Variants in KIDINS220 observed in about 807,000 individuals in gnomAD.
KIDINS220 encodes the protein kinase D-interacting substrate of 220 kDa.
KIDINS220 carries 63 observed loss-of-function variants against 157.6 expected under a neutral mutation model. The observed-to-expected ratio is 0.40, with a 90% CI of 0.33 to 0.49. The LOEUF (loss-of-function observed/expected upper bound fraction) is 0.49, where lower values mean the gene tolerates loss of function less well. KIDINS220 is among the 20% of genes least tolerant of loss of function. The pLI, the probability that KIDINS220 is intolerant of heterozygous loss-of-function variation, is 0.66. For missense variants in KIDINS220, 1,772 were observed against 2,171.2 expected (o/e 0.82, Z 3.65); for synonymous variants, 732 against 783.6 (o/e 0.93, Z 1.10).
In KIDINS220 at chr2:8,730,587, T is replaced by C; in HGVS notation, c.*133A>G. 6.9e-7 allele frequency: 1 copy of C among 1,441,048 alleles called. No individual in the cohort carries two copies. The highest frequency in any genetic ancestry group is 9.1e-7 in the Non-Finnish European group (1 of 1,104,328). The allele number at this position is 1,441,048 out of a possible 1,614,324, so 89.3% of individuals were successfully genotyped here. ...CTTCTGTCACACTGCAGATGTCTCT[T>C]TTACCTCGGCCTCATCATCGGTTAG... On this transcript the variant is annotated 3_prime_UTR_variant, in exon 30 of 30. Coordinates refer to ENST00000256707, the MANE Select transcript of KIDINS220 (RefSeq NM_020738.4).
rs370546588 is a variant in KIDINS220 at position 8,836,108 on chromosome 2, T to C, written c.-37+1372A>G. ...AAATATCCAGAAGAGATATTCTGGA[T>C]ATAAAGATAAAACTATGTGACTGGT... is the stretch of plus-strand genomic sequence containing the variant. On this transcript the variant is annotated intron_variant, in intron 1 of 29. Transcript: ENST00000256707. Among the ~76,000 whole-genome samples, 59 of 151,940 alleles carry C rather than the reference T, an allele frequency of 3.9e-4. No homozygotes were observed. In the East Asian group the frequency reaches 7.8e-3, roughly 20 times the overall value.
intron 22 of KIDINS220, among the ~76,000 whole-genome samples, chr2:8,766,548 G>A (rs1669524799): frequency 6.6e-6 from 1 of 152,080 alleles, no homozygotes; most frequent in South Asian, 2.1e-4. Flanking sequence ...AGCTCCTCGG[G>A]GCAGGGATCT....
chr2:8,776,942 A>C (rs1367794378), intron 20 of KIDINS220, 50 bp from the exon 21 acceptor site: 1 of 1,561,496 alleles, frequency 6.4e-7, no homozygotes, highest in Non-Finnish European at 8.6e-7. Context: ...CCAGTCTAAG[A>C]ACTTAAGGCT....
At chr2:8,802,250 C>T (rs746253172) in intron 8 of KIDINS220, among the ~76,000 whole-genome samples, 3 of 152,074 alleles carry the variant, frequency 2.0e-5, no homozygotes, top group Admixed American at 6.6e-5. Flanking sequence ...GAAGTACACA[C>T]GAGATTTATT....
intron 10 of KIDINS220, 34 bp downstream of exon 10, chr2:8,798,168 G>T: frequency 8.2e-7 from 1 of 1,226,832 alleles, no homozygotes. Context: ...TTCAGCATAA[G>T]GTGCTGCTAA....
Position 8,730,887 on chromosome 2 carries a change from A to G in KIDINS220, c.5149T>C (p.Ser1717Pro), listed in dbSNP as rs1324478389. 1 of 1,614,158 alleles carries G rather than the reference A, an allele frequency of 6.2e-7. No homozygotes were observed. Among genetic ancestry groups the G allele is most frequent in the South Asian group, 1.1e-5 (1 of 91,082 alleles). Residue 1717 changes from serine (S) to proline (P), a missense_variant, in exon 30 of 30, where the codon TCC (serine) becomes CCC (proline). By Grantham distance (74) the Ser-to-Pro change is moderately conservative (BLOSUM62 -1). Around this residue, in one of 3 missense-constraint regions of KIDINS220, gnomAD observed 793 missense variants for 885.5 expected, o/e 0.90. Coordinates refer to ENST00000256707, the MANE Select transcript of KIDINS220 (RefSeq NM_020738.4). ...TGAATAGTGGTTGGGTTGGGACTGGAACTAGGCCTCAAAATGACTTGAGAA... is the reference window on the plus strand; with the variant it reads ...TGAATAGTGGTTGGGTTGGGACTGGGACTAGGCCTCAAAATGACTTGAGAA... Reference protein sequence around the residue: ...ETSQVILRPSSSPNPTTIQNE... With the variant: ...ETSQVILRPSPSPNPTTIQNE...
downstream of KIDINS220, chr2:8,724,996 G>A (rs72786313): frequency 3.9e-5 from 6 of 152,130 alleles, no homozygotes; most frequent in Non-Finnish European, 8.8e-5. The surrounding 1 kb of genome is among the most constrained non-coding windows in gnomAD (Gnocchi z 4.6). Context: ...AAGATATCTC[G>A]AGGCTCTTTC....
intron 22 of KIDINS220, among the ~76,000 whole-genome samples, chr2:8,767,733 A>G (rs1189952904): frequency 2.0e-5 from 3 of 152,230 alleles, no homozygotes; most frequent in African/African-American, 7.2e-5. Context: ...CTTTGGGTGA[A>G]TATCAGGAGA....
intron 2 of KIDINS220, 74 bp downstream of exon 2, chr2:8,826,912 C>T (rs1558501847): frequency 1.3e-6 from 1 of 747,554 alleles, no homozygotes. Context: ...ATTTCTTACA[C>T]ACTTCTATCC....
rs186236580 is a variant in KIDINS220, at chr2:8,817,743, A to G, written c.208-27T>C. On this transcript the variant is annotated intron_variant, in intron 3 of 29. Coordinates refer to ENST00000256707, the MANE Select transcript of KIDINS220 (RefSeq NM_020738.4). Reference sequence around the variant, plus strand: ...TTGAACATATATTTTAAAAGTTATCATTTTCAAACCAAAAATAACACGTCA... The same window carrying G: ...TTGAACATATATTTTAAAAGTTATCGTTTTCAAACCAAAAATAACACGTCA... 5,222 of 1,477,348 alleles carry G rather than the reference A, an allele frequency of 3.5e-3. 14 individuals carry two copies. The highest frequency in any genetic ancestry group is 4.5e-3 in the Non-Finnish European group (4,817 of 1,077,144). 91.5% of individuals were successfully genotyped at this position (1,477,348 alleles called of 1,614,324 possible). A position where few individuals can be genotyped will look rare whatever the true frequency, so the allele number is the denominator to read the frequency against.
At chr2:8,790,939 T>C (rs1218262549) in intron 13 of KIDINS220, 121 bp downstream of exon 13, 15 of 789,458 alleles carry the variant, frequency 1.9e-5, no homozygotes, top group Non-Finnish European at 2.9e-5. Context: ...GGGGAGTTCA[T>C]CTCAGTAAAC....
intron 22 of KIDINS220, among the ~76,000 whole-genome samples, chr2:8,770,233 G>A (rs1446756032): frequency 1.3e-5 from 2 of 151,832 alleles, no homozygotes; most frequent in Non-Finnish European, 2.9e-5. Context: ...GCAAGTCCCC[G>A]CCTCTACAAA....
At chr2:8,805,961 G>A (rs1233882001) in intron 7 of KIDINS220, among the ~76,000 whole-genome samples, 3 of 152,138 alleles carry the variant, frequency 2.0e-5, no homozygotes, top group African/African-American at 7.2e-5. Context: ...ACATTTCTTA[G>A]AACGTATCCC....
In KIDINS220 at chr2:8,793,958, A is replaced by T; in HGVS notation, c.1128T>A (p.Ile376=). ...CTGCCAGTTTCCGGCTCCTTCCACG[A>T]ATAGCAATATGCAAGGGAGTATCTC... The part of the protein sequence containing the change: ...KKGDTPLHIA[I]RGRSRKLAEL... Residue 376 remains isoleucine (I), a synonymous_variant, in exon 12 of 30, where the codon ATT becomes ATA. Transcript: ENST00000256707. The T allele has an allele frequency of 6.2e-7, 1 of 1,613,152 alleles. No homozygotes were observed. Among genetic ancestry groups the T allele is most frequent in the Non-Finnish European group, 8.5e-7 (1 of 1,179,754 alleles).
Position 8,729,246 on chromosome 2 carries a change from T to A in KIDINS220, c.*1474A>T. The A allele has an allele frequency of 6.1e-6, 6 of 985,304 alleles. No homozygotes were observed. Among genetic ancestry groups the A allele is most frequent in the Non-Finnish European group, 7.2e-6 (6 of 829,812 alleles). The allele number at this position is 985,304 out of a possible 1,614,324, so 61.0% of individuals were successfully genotyped here. ...AGATTACACTCAAACATCAAGGCAA[T>A]GAAACACAAAAGAGCAACTATTTAG... On this transcript the variant is annotated 3_prime_UTR_variant, in exon 30 of 30. Transcript: ENST00000256707.
At chr2:8,788,523 C>G in intron 15 of KIDINS220, 124 bp downstream of exon 15, 1 of 856,916 alleles carries the variant, frequency 1.2e-6, no homozygotes, top group East Asian at 2.7e-5. Flanking sequence ...CCCACCTTGG[C>G]CTCCCAAAGT....
At chr2:8,827,573 AC>A (rs1678992542) in intron 1 of KIDINS220, among the ~76,000 whole-genome samples, 1 of 152,076 alleles carries the variant, frequency 6.6e-6, no homozygotes, top group Non-Finnish European at 1.5e-5. Context: ...ACTACTACTC[AC>A]CACTTCATCA....
chr2:8,744,808 C>T (rs1017553751), intron 26 of KIDINS220, among the ~76,000 whole-genome samples: 4 of 151,868 alleles, frequency 2.6e-5, no homozygotes, highest in Non-Finnish European at 5.9e-5. Context: ...TTCTAGGCTT[C>T]GACAAAACAA....
chr2:8,777,017 T>C (rs1162819117), intron 20 of KIDINS220, 125 bp from the exon 21 acceptor site: 9 of 944,136 alleles, frequency 9.5e-6, no homozygotes, highest in Non-Finnish European at 1.4e-5. Flanking sequence ...AAGAGGAATA[T>C]CATACAGTAA....
Sources: allele counts gnomAD v4.1 joint callset (sites outside exome capture counted in the v4.1 genomes callset), GRCh38; gene constraint gnomAD v4.1.1; regional missense constraint gnomAD v4.1.1; non-coding constraint Gnocchi (gnomAD v3.1); transcripts MANE v1.5; gene names NCBI Gene and HGNC (gene_info 2026-07-23, HGNC 2026-07-21).